The following DNAJC1 variants were observed in gnomAD, a reference collection of about 807,000 sequenced individuals.
The protein encoded by DNAJC1 is dnaJ homolog subfamily C member 1.
DNAJC1 carries 58 observed loss-of-function variants against 76.6 expected under a neutral mutation model. The observed-to-expected ratio is 0.76, with a 90% confidence interval of 0.61 to 0.94. The LOEUF is 0.94. Among genes scored for constraint, DNAJC1 ranks in the 40% least tolerant of loss-of-function variants. DNAJC1 has a pLI of 0.00. For synonymous variants in DNAJC1, 258 were observed against 267.9 expected (o/e 0.96, Z 0.36); for missense variants, 689 against 677.3 (o/e 1.02, Z -0.19).
intron 8 of DNAJC1, among the ~76,000 whole-genome samples, chr10:21,832,257 G>A (rs999317198): frequency 1.3e-5 from 2 of 151,938 alleles, no homozygotes; most frequent in South Asian, 4.2e-4. Flanking sequence ...CTTACTTTGG[G>A]AATATTCCTT....
intron 9 of DNAJC1, among the ~76,000 whole-genome samples, chr10:21,772,695 T>C (rs1454358224): frequency 6.6e-6 from 1 of 152,194 alleles, no homozygotes; most frequent in Non-Finnish European, 1.5e-5. Flanking sequence ...GCTTTTGGTT[T>C]CACTGATTTT....
chr10:21,919,190 G>A (rs1374660842), intron 5 of DNAJC1, among the ~76,000 whole-genome samples: 1 of 151,880 alleles, frequency 6.6e-6, no homozygotes, highest in Non-Finnish European at 1.5e-5. Flanking sequence ...TTTGTACAAC[G>A]AATTCTTAAG....
At chr10:21,983,639 T>C (rs1838192352) in intron 1 of DNAJC1, among the ~76,000 whole-genome samples, 1 of 151,098 alleles carries the variant, frequency 6.6e-6, no homozygotes, top group Non-Finnish European at 1.5e-5. Context: ...AAGAATGACT[T>C]GAACCTGGGA....
chr10:21,816,147 C>A (rs894709004), intron 8 of DNAJC1, among the ~76,000 whole-genome samples: 10 of 151,122 alleles, frequency 6.6e-5, no homozygotes, highest in African/African-American at 2.4e-4. Flanking sequence ...GCGGGGGGAT[C>A]ACCTGAGGTC....
At chr10:21,954,154 C>A (rs940800842) in intron 1 of DNAJC1, among the ~76,000 whole-genome samples, 2 of 151,976 alleles carry the variant, frequency 1.3e-5, no homozygotes, top group African/African-American at 4.8e-5. Context: ...ATGAGAAACA[C>A]AAATACTTAC....
chr10:21,974,745 A>T (rs1838034781), intron 1 of DNAJC1, among the ~76,000 whole-genome samples: 1 of 152,192 alleles, frequency 6.6e-6, no homozygotes, highest in Admixed American at 6.5e-5. Context: ...GTTCACTGTG[A>T]TATTGTTTAA....
chr10:21,983,613 G>A (rs1156976509), intron 1 of DNAJC1, among the ~76,000 whole-genome samples: 3 of 151,838 alleles, frequency 2.0e-5, no homozygotes, highest in Admixed American at 6.6e-5. Context: ...CCCAGCTACT[G>A]GGGAGGCTGA....
rs1836754860 is a variant in DNAJC1 at position 21,906,866 on chromosome 10, T to C, written c.730-2254A>G. ...ATATCTTCTACACAGTTAGGCCTTATATGTATGTTAGCTATTTTTATTATT... is the reference window on the plus strand; with the variant it reads ...ATATCTTCTACACAGTTAGGCCTTACATGTATGTTAGCTATTTTTATTATT... On this transcript the variant is annotated intron_variant, in intron 6 of 11. Coordinates refer to ENST00000376980, the MANE Select transcript of DNAJC1 (RefSeq NM_022365.4). 2.6e-5 allele frequency among the ~76,000 whole-genome samples: 4 copies of C among 152,214 alleles called. No homozygotes were observed. In the South Asian group the frequency reaches 8.3e-4, roughly 31 times the overall value.
chr10:21,966,852 A>G (rs988165478), intron 1 of DNAJC1, among the ~76,000 whole-genome samples: 2 of 151,514 alleles, frequency 1.3e-5, no homozygotes, highest in Non-Finnish European at 1.5e-5. Flanking sequence ...CACCCAGCTC[A>G]TATTTTGTAT....
chr10:21,871,072 C>G (rs1836095582), intron 8 of DNAJC1, among the ~76,000 whole-genome samples: 1 of 151,982 alleles, frequency 6.6e-6, no homozygotes, highest in African/African-American at 2.4e-5. Context: ...TAAAACTAGC[C>G]TTATGCTAAG....
intron 7 of DNAJC1, among the ~76,000 whole-genome samples, chr10:21,901,245 G>A (rs531784954): frequency 1.8e-4 from 28 of 152,276 alleles, no homozygotes; most frequent in Admixed American, 3.3e-4. Context: ...TACAAAGAAA[G>A]GGGTCAAGGA....
intron 9 of DNAJC1, among the ~76,000 whole-genome samples, chr10:21,795,576 GA>G (rs1162550576): frequency 6.6e-6 from 1 of 152,184 alleles, no homozygotes; most frequent in East Asian, 1.9e-4. Flanking sequence ...TAATGGGATT[GA>G]GGGAACACTT....
chr10:21,818,606 T>G (rs563976754), intron 8 of DNAJC1, among the ~76,000 whole-genome samples: 1 of 152,166 alleles, frequency 6.6e-6, no homozygotes, highest in Non-Finnish European at 1.5e-5. Flanking sequence ...TGCCGACATG[T>G]GATGTCTCCC....
rs972020729 is a variant in DNAJC1 at position 21,887,646 on chromosome 10, C to T, written c.821-5207G>A. Reference sequence around the variant, plus strand: ...AAACAAGCAATAAGGAAAGGACTCCCTATTCAATAAGTGGTGCTGGAATAA... The same window carrying T: ...AAACAAGCAATAAGGAAAGGACTCCTTATTCAATAAGTGGTGCTGGAATAA... On this transcript the variant is annotated intron_variant, in intron 7 of 11. Coordinates refer to ENST00000376980, the MANE Select transcript of DNAJC1 (RefSeq NM_022365.4). Among the ~76,000 whole-genome samples, 4 of 152,126 alleles carry T rather than the reference C, an allele frequency of 2.6e-5. No individual in the cohort carries two copies. In the East Asian group the frequency reaches 7.7e-4, roughly 29 times the overall value.
chr10:21,802,802 T>C (rs1170294238), intron 9 of DNAJC1, among the ~76,000 whole-genome samples: 5 of 152,144 alleles, frequency 3.3e-5, no homozygotes, highest in Non-Finnish European at 5.9e-5. Flanking sequence ...CTGACCTTAA[T>C]TTAGGAAACC....
chr10:21,853,202 T>C (rs1835783028), intron 8 of DNAJC1, among the ~76,000 whole-genome samples: 1 of 152,212 alleles, frequency 6.6e-6, no homozygotes, highest in Non-Finnish European at 1.5e-5. Context: ...ACTCCTGCCA[T>C]GTTCCAGAAG....
intron 1 of DNAJC1, among the ~76,000 whole-genome samples, chr10:21,991,874 A>T (rs1333564975): frequency 6.6e-6 from 1 of 152,238 alleles, no homozygotes; most frequent in African/African-American, 2.4e-5. Flanking sequence ...CCTGTTAGCT[A>T]TATGCCTTAT....
rs185175960 is a variant in DNAJC1 at position 21,919,547 on chromosome 10, T to C, written c.635+285A>G. ...TCCTGAGCTAAGTGATAGGTCCGTC[T>C]AATAGTACTTTGTTTCTAAAGTTCA... On this transcript the variant is annotated intron_variant, in intron 5 of 11. Transcript: ENST00000376980. Among the ~76,000 whole-genome samples, 175 of 152,128 alleles carry C rather than the reference T, an allele frequency of 1.2e-3. 1 individual carries two copies. Among genetic ancestry groups the C allele is most frequent in the Admixed American group, 2.0e-3 (31 of 15,270 alleles).
At chr10:21,757,001 G>A (rs1281939934) in intron 11 of DNAJC1, among the ~76,000 whole-genome samples, 4 of 152,222 alleles carry the variant, frequency 2.6e-5, no homozygotes, top group Non-Finnish European at 4.4e-5. Context: ...TGGGGCGGCC[G>A]TTTGTGAGGC....
Sources: allele counts gnomAD v4.1 joint callset (sites outside exome capture counted in the v4.1 genomes callset), GRCh38; gene constraint gnomAD v4.1.1; transcripts MANE v1.5; gene names NCBI Gene and HGNC (gene_info 2026-07-23, HGNC 2026-07-21).